Variants in TTC14 observed in about 807,000 individuals in gnomAD.
The protein encoded by TTC14 is tetratricopeptide repeat domain 14.
Under a neutral mutation model 79.9 loss-of-function variants are expected in TTC14, and 63 were observed. The ratio of observed to expected loss-of-function variants is 0.79; its 90% CI spans 0.64 to 0.97. The LOEUF is 0.97. Among genes scored for constraint, TTC14 ranks in the 50% least tolerant of loss-of-function variants. The probability of loss-of-function intolerance (pLI) is 0.00; values close to 1 mark genes in which losing one functional copy is unlikely to be tolerated. For synonymous variants in TTC14, 335 were observed against 309.6 expected (o/e 1.08, Z -0.86); for missense variants, 895 against 894.0 (o/e 1.00, Z -0.01).
chr3:180,615,717 T>C (rs999032296), downstream of TTC14, among the ~76,000 whole-genome samples: 2 of 152,002 alleles, frequency 1.3e-5, no homozygotes, highest in Non-Finnish European at 2.9e-5. Flanking sequence ...AAAATCAGGA[T>C]CATTATTAAT....
chr3:180,608,394 C>CTT (rs34053470), intron 10 of TTC14: 30 of 933,162 alleles, frequency 3.2e-5, no homozygotes, highest in African/African-American at 2.8e-4. Context: ...TTTTTATGTA[C>CTT]TTTTTTTTTT....
chr3:180,616,509 G>A, intron 12 of TTC14: 1 of 1,536,340 alleles, frequency 6.5e-7, no homozygotes, highest in Non-Finnish European at 8.8e-7. Flanking sequence ...AGAAGGTGCT[G>A]TATTACCTGT....
chr3:180,606,690 G>GTT, intron 9 of TTC14, 87 bp downstream of exon 9: 1 of 1,450,536 alleles, frequency 6.9e-7, no homozygotes, highest in Non-Finnish European at 9.3e-7. Flanking sequence ...AGTTTCTTAA[G>GTT]CACTTAATTT....
intron 12 of TTC14, chr3:180,616,167 A>C: frequency 2.5e-6 from 2 of 802,476 alleles, no homozygotes; most frequent in Non-Finnish European, 4.3e-6. Flanking sequence ...TGAAAAGAAC[A>C]CTGGCAGTGA....
At chr3:180,607,885 T>G in intron 10 of TTC14, 120 bp downstream of exon 10, 2 of 1,486,284 alleles carry the variant, frequency 1.3e-6, no homozygotes, top group South Asian at 2.7e-5. Context: ...AGTTTCTTTT[T>G]AGGTATAGTT....
At chr3:180,606,106 G>C (rs767206875) in intron 7 of TTC14, 147 bp from the exon 8 acceptor site, 1 of 1,111,860 alleles carries the variant, frequency 9.0e-7, no homozygotes, top group Non-Finnish European at 1.3e-6. Flanking sequence ...AAAGGCAGAA[G>C]AACGTTCCTT....
At chr3:180,616,503 G>A in intron 12 of TTC14, 1 of 1,516,108 alleles carries the variant, frequency 6.6e-7, no homozygotes, top group Admixed American at 2.2e-5. Context: ...TTTAATAGAA[G>A]GTGCTGTATT....
chr3:180,614,450 C>T (rs1040249671), downstream of TTC14: 11 of 152,468 alleles, frequency 7.2e-5, no homozygotes, highest in African/African-American at 2.4e-4. Flanking sequence ...CTGCCTTTAA[C>T]AATTTTTCTC....
In TTC14 at chr3:180,610,741, TTTTATG is replaced by T. The variant is rs1242271629; in HGVS notation, c.*201_*206del. 9 of 1,285,864 alleles carry T rather than the reference TTTTATG, an allele frequency of 7.0e-6. No individual in the cohort carries two copies. The highest frequency in any genetic ancestry group is 8.9e-6 in the Non-Finnish European group (9 of 1,015,624). The allele number at this position is 1,285,864 out of a possible 1,614,324, so 79.7% of individuals were successfully genotyped here. On this transcript the variant is annotated 3_prime_UTR_variant, in exon 12 of 12. Transcript: ENST00000296015. ...CTTGTCACAGCTTGGTTTTTAGACT[TTTTATG>T]TATATGTTTATGTACAGTATATTAC...
In TTC14 at chr3:180,602,337, C is replaced by G. The variant is rs1487871054; in HGVS notation, c.76C>G (p.Gln26Glu). 6.2e-7 allele frequency: 1 copy of G among 1,613,556 alleles called. No homozygotes were observed. The highest frequency in any genetic ancestry group is 2.2e-5 in the East Asian group (1 of 44,874). The change falls in exon 1 of 12, where the codon CAG becomes GAG. Residue 26 changes from glutamine (Q) to glutamate (E), a missense_variant. Gln to Glu is a conservative substitution (Grantham distance 29). Coordinates refer to ENST00000296015, the MANE Select transcript of TTC14 (RefSeq NM_133462.4). Reference sequence around the variant, plus strand: ...GCTCTCTCTACTTCGGAGCGAACAGCAGGACAATCCACACTTCCGTAGCCT... The same window carrying G: ...GCTCTCTCTACTTCGGAGCGAACAGGAGGACAATCCACACTTCCGTAGCCT... ...SLLSLLRSEQ[Q>E]DNPHFRSLLG...
intron 1 of TTC14, 175 bp downstream of exon 1, chr3:180,602,597 C>A (rs1716428386): frequency 2.3e-6 from 2 of 868,742 alleles, no homozygotes; most frequent in Non-Finnish European, 1.7e-6. Flanking sequence ...TTGTGCAATG[C>A]GGGATGCGGG....
At chr3:180,613,814 C>G (rs1158089217), downstream of TTC14, 2 of 452,622 alleles carry the variant, frequency 4.4e-6, no homozygotes, top group Admixed American at 2.4e-5. Context: ...TATTACCTAC[C>G]TTTTTTTTCG....
Position 180,617,508 on chromosome 3 carries a change from C to G in TTC14, c.1903C>G (p.Gln635Glu), listed in dbSNP as rs778971546. ...TCATGTTACTGACCCTGAAGACCTT[C>G]AAGTGGGACAAGATATGGAGGTGGA... Residue 635 changes from glutamine (Q) to glutamate (E), a missense_variant, in exon 13 of 13, where the codon CAA becomes GAA. Coordinates refer to the TTC14 transcript ENST00000382584. The G allele has an allele frequency of 5.0e-4, 335 of 666,250 alleles. 1 individual carries two copies. The highest frequency in any genetic ancestry group is 6.6e-4 in the Non-Finnish European group (240 of 365,200). 41.3% of individuals were successfully genotyped at this position (666,250 alleles called of 1,614,324 possible).
In TTC14 at chr3:180,609,951, A is replaced by C. The variant is rs1716901213; in HGVS notation, c.1722A>C (p.Lys574Asn). ...ATGAAAAGACACAGATAAAAGAGAA[A>C]GATAGATGCCCTCTCTCTTCATCTT... ...LQYEKTQIKE[K>N]DRCPLSSSSL... is the part of the protein sequence containing the mutation. The change falls in exon 12 of 12, where the codon AAA becomes AAC. Residue 574 changes from lysine (K) to asparagine (N), a missense_variant. Lys to Asn is a moderately conservative substitution (Grantham distance 94). Transcript: ENST00000296015. The C allele has an allele frequency of 2.5e-6, 4 of 1,614,062 alleles. No homozygotes were observed. The highest frequency in any genetic ancestry group is 3.4e-6 in the Non-Finnish European group (4 of 1,179,954).
chr3:180,608,786 G>A lies in TTC14; in HGVS notation c.1376G>A (p.Arg459His), dbSNP rs763786849. 50 of 1,550,728 alleles carry A rather than the reference G, an allele frequency of 3.2e-5. No homozygotes were observed. The highest frequency in any genetic ancestry group is 1.8e-4 in the Middle Eastern group (1 of 5,670). ...ATAGAAACAAGTGCAGAAAAGTTGCGTAAGCTCTTAAAAGAAGAGAAGAGG... is the reference window on the plus strand; with the variant it reads ...ATAGAAACAAGTGCAGAAAAGTTGCATAAGCTCTTAAAAGAAGAGAAGAGG... ...KKIETSAEKL[R>H]KLLKEEKRLK... Residue 459 changes from arginine (R) to histidine (H), a missense_variant, in exon 11 of 12, where the codon CGT becomes CAT. Coordinates refer to ENST00000296015, the MANE Select transcript of TTC14 (RefSeq NM_133462.4).
chr3:180,615,114 G>A (rs1367090283), downstream of TTC14: 1 of 1,469,686 alleles, frequency 6.8e-7, no homozygotes, highest in Non-Finnish European at 9.1e-7. Context: ...TCAATGCAAA[G>A]TTTATATTTT....
At chr3:180,616,525 G>T in intron 12 of TTC14, 2 of 1,549,698 alleles carry the variant, frequency 1.3e-6, no homozygotes, top group Non-Finnish European at 1.7e-6. Flanking sequence ...CCTGTTGAAA[G>T]TATGTTTGAA....
In TTC14 at chr3:180,602,383, C is replaced by T. The variant is rs752508072; in HGVS notation, c.122C>T (p.Pro41Leu). Residue 41 changes from proline to leucine, a missense_variant, in exon 1 of 12, where the codon CCA (proline) becomes CTA (leucine). Pro to Leu is a moderately conservative substitution (Grantham distance 98). Coordinates refer to ENST00000296015, the MANE Select transcript of TTC14 (RefSeq NM_133462.4). ...FRSLLGSAAE[P>L]ARGPPPQHPL... is the part of the protein sequence containing the mutation. ...AGCCTCCTGGGGTCGGCCGCCGAGC[C>T]AGCCCGGGGCCCGCCGCCCCAGCAC... 2 of 1,610,302 alleles carry T rather than the reference C, an allele frequency of 1.2e-6. No individual in the cohort carries two copies. Among genetic ancestry groups the T allele is most frequent in the Non-Finnish European group, 1.7e-6 (2 of 1,179,550 alleles).
Position 180,607,650 on chromosome 3 carries a change from TAGA to T in TTC14, c.1186_1188del (p.Glu396del), listed in dbSNP as rs1276761891. ...CTAAATCTTTCTTTCAAATTTAGGT[TAGA>T]AGAAGAAGAAAAGTTTTTAAATGCT... is the stretch of plus-strand genomic sequence containing the variant. On this transcript the variant is annotated inframe_deletion, in exon 10 of 12. Transcript: ENST00000296015. 4.4e-6 allele frequency: 7 copies of T among 1,599,722 alleles called. No individual in the cohort carries two copies. The highest frequency in any genetic ancestry group is 1.4e-5 in the African/African-American group (1 of 74,050).
Sources: gnomAD v4.1 joint callset for allele counts (sites outside exome capture counted in the v4.1 genomes callset) on GRCh38, gnomAD v4.1.1 for gene constraint, MANE v1.5 for transcripts, NCBI Gene and HGNC (gene_info 2026-07-23, HGNC 2026-07-21) for gene names.